Variants in CERK observed in about 807,000 individuals in gnomAD.
CERK encodes acylsphingosine kinase.
Under a neutral mutation model 63.4 loss-of-function variants are expected in CERK, and 39 were observed. That is an observed-to-expected ratio of 0.61 (90% CI 0.48 to 0.80). The LOEUF is 0.80. Ranked by LOEUF, CERK falls within the 30% of genes least tolerant of loss-of-function variation. CERK has a pLI of 0.00. For synonymous variants in CERK, 302 were observed against 280.0 expected (o/e 1.08, Z -0.78); for missense variants, 670 against 714.1 (o/e 0.94, Z 0.70).
chr22:46,711,592 T>C (rs1463444107), intron 4 of CERK, among the ~76,000 whole-genome samples: 1 of 152,216 alleles, frequency 6.6e-6, no homozygotes, highest in Non-Finnish European at 1.5e-5. Flanking sequence ...TGTGAGATTA[T>C]TTCTAAGACT....
intron 9 of CERK, among the ~76,000 whole-genome samples, chr22:46,694,972 C>A (rs912674885): frequency 2.0e-5 from 3 of 152,226 alleles, no homozygotes; most frequent in African/African-American, 7.2e-5. Context: ...GACCCTCCCC[C>A]AGAGTCCTCA....
intron 1 of CERK, 129 bp downstream of exon 1, chr22:46,737,878 T>G: frequency 5.4e-6 from 2 of 369,554 alleles, no homozygotes; most frequent in African/African-American, 2.2e-5. Context: ...CCCTGGCGCC[T>G]GCGCTCCCAG....
intron 2 of CERK, 35 bp downstream of exon 2, chr22:46,720,867 T>C (rs774063686): frequency 3.1e-6 from 4 of 1,288,424 alleles, no homozygotes; most frequent in Admixed American, 1.7e-5. Flanking sequence ...ATAGAATTAA[T>C]GAAGAATGTG....
chr22:46,687,186 C>A lies in CERK; in HGVS notation c.1562G>T (p.Arg521Leu). Residue 521 changes from arginine to leucine, a missense_variant, in exon 13 of 13, where the codon CGA (arginine) becomes CTA (leucine). Transcript: ENST00000216264. The part of the protein sequence containing the change: ...IEVRVHCQLV[R>L]LFARGIEENP... ...CTCTTCAATTCCTCGTGCAAAGAGT[C>A]GAACCAGCTGGCAGTGGACTCTGCA... is the stretch of plus-strand genomic sequence containing the variant. 1 of 1,614,110 alleles carries A rather than the reference C, an allele frequency of 6.2e-7. No individual in the cohort carries two copies. The highest frequency in any genetic ancestry group is 8.5e-7 in the Non-Finnish European group (1 of 1,180,032).
chr22:46,712,506 C>T (rs768722104), intron 3 of CERK, among the ~76,000 whole-genome samples: 1 of 152,216 alleles, frequency 6.6e-6, no homozygotes, highest in Non-Finnish European at 1.5e-5. Flanking sequence ...AAAGGCTATA[C>T]ACACATGTCG....
At chr22:46,699,251 ACAT>A (rs1209487738) in intron 8 of CERK, 59 bp downstream of exon 8, 2 of 1,543,618 alleles carry the variant, frequency 1.3e-6, no homozygotes, top group East Asian at 4.5e-5. Context: ...CAGTCAGGTA[ACAT>A]CTGTGAAGGC....
chr22:46,715,343 A>G (rs2082861323), intron 3 of CERK, among the ~76,000 whole-genome samples: 1 of 152,246 alleles, frequency 6.6e-6, no homozygotes. Context: ...TTTGACAAAA[A>G]TCTAAAATAA....
chr22:46,701,532 A>G (rs956897589), intron 7 of CERK, 104 bp downstream of exon 7: 17 of 947,556 alleles, frequency 1.8e-5, no homozygotes, highest in African/African-American at 8.2e-5. Context: ...CGGCCAGGAC[A>G]GGACGGCAAC....
chr22:46,705,786 A>C (rs933487326), intron 6 of CERK, among the ~76,000 whole-genome samples: 1 of 151,844 alleles, frequency 6.6e-6, no homozygotes, highest in African/African-American at 2.4e-5. Flanking sequence ...TAATCCCAGC[A>C]CTTTGGGAGG....
chr22:46,738,082 C>G lies in CERK; in HGVS notation c.67G>C (p.Val23Leu). The G allele has an allele frequency of 1.6e-6, 2 of 1,279,434 alleles. No homozygotes were observed. Among genetic ancestry groups the G allele is most frequent in the East Asian group, 7.5e-5 (2 of 26,684 alleles). 79.3% of individuals were successfully genotyped at this position (1,279,434 alleles called of 1,614,324 possible). ...VLWVKQQRCA[V>L]SLEPARALLR... Reference sequence around the variant, plus strand: ...AGAGCCCGCGCGGGCTCCAGGCTCACGGCGCAGCGCTGCTGCTTCACCCAC... The same window carrying G: ...AGAGCCCGCGCGGGCTCCAGGCTCAGGGCGCAGCGCTGCTGCTTCACCCAC... Residue 23 changes from valine to leucine, a missense_variant, in exon 1 of 13, where the codon GTG (valine) becomes CTG (leucine). Physicochemically the swap from Val to Leu is conservative, Grantham distance 32. Coordinates refer to ENST00000216264, the MANE Select transcript of CERK (RefSeq NM_022766.6).
chr22:46,702,236 T>C (rs1197728850), intron 6 of CERK, among the ~76,000 whole-genome samples: 1 of 101,022 alleles, frequency 9.9e-6, no homozygotes, highest in Non-Finnish European at 2.0e-5. Flanking sequence ...TGTGTGTGTG[T>C]GTGTGTGTGT....
At chr22:46,696,138 G>A (rs2082755068) in intron 8 of CERK, among the ~76,000 whole-genome samples, 1 of 152,216 alleles carries the variant, frequency 6.6e-6, no homozygotes, top group Non-Finnish European at 1.5e-5. Flanking sequence ...CCACAGCCAA[G>A]TGTGCACCGC....
chr22:46,701,789 C>T lies in CERK; in HGVS notation c.716-79G>A, dbSNP rs1214803756. 1.4e-5 allele frequency: 14 copies of T among 1,020,928 alleles called. No homozygotes were observed. The East Asian group carries it at 3.4e-4, about 25-fold the overall frequency. The allele number at this position is 1,020,928 out of a possible 1,614,324, so 63.2% of individuals were successfully genotyped here. A position where few individuals can be genotyped will look rare whatever the true frequency, so the allele number is the denominator to read the frequency against. ...CGCCTCCCAATTCAGTGAGTGGTAC[C>T]TCATTCCTTTCCTTCCATGGCCCTA... On this transcript the variant is annotated intron_variant, in intron 6 of 12. Coordinates refer to ENST00000216264, the MANE Select transcript of CERK (RefSeq NM_022766.6).
intron 12 of CERK, among the ~76,000 whole-genome samples, chr22:46,688,053 C>T (rs910859873): frequency 2.0e-5 from 3 of 152,012 alleles, no homozygotes; most frequent in Non-Finnish European, 2.9e-5. Context: ...AAAAATTAGC[C>T]AGGTGTGGTG....
chr22:46,716,310 C>A (rs1321722207), intron 3 of CERK, among the ~76,000 whole-genome samples: 1 of 151,714 alleles, frequency 6.6e-6, no homozygotes, highest in African/African-American at 2.4e-5. Context: ...CCTGCCTCAG[C>A]CTCTCGAGTA....
intron 8 of CERK, among the ~76,000 whole-genome samples, chr22:46,696,466 C>A (rs1398765981): frequency 6.6e-6 from 1 of 152,174 alleles, no homozygotes; most frequent in Non-Finnish European, 1.5e-5. Context: ...GTGCAGGGGG[C>A]AGGGGGGCAG....
intron 5 of CERK, among the ~76,000 whole-genome samples, chr22:46,708,239 G>A (rs2082823578): frequency 1.3e-5 from 2 of 152,198 alleles, no homozygotes; most frequent in Non-Finnish European, 2.9e-5. Flanking sequence ...AATTTGGGTG[G>A]CTAGGCAGAG....
intron 1 of CERK, among the ~76,000 whole-genome samples, chr22:46,723,638 A>G (rs2082903492): frequency 6.6e-6 from 1 of 152,060 alleles, no homozygotes; most frequent in African/African-American, 2.4e-5. Flanking sequence ...AAAAAAGAAG[A>G]AGAAGAATAT....
At chr22:46,706,845 A>G (rs1309489459) in intron 6 of CERK, among the ~76,000 whole-genome samples, 1 of 152,134 alleles carries the variant, frequency 6.6e-6, no homozygotes, top group Non-Finnish European at 1.5e-5. Context: ...TTTGCCTCAC[A>G]CCATTATTCA....
Sources: gnomAD v4.1 joint callset for allele counts (sites outside exome capture counted in the v4.1 genomes callset) on GRCh38, gnomAD v4.1.1 for gene constraint, MANE v1.5 for transcripts, NCBI Gene and HGNC (gene_info 2026-07-23, HGNC 2026-07-21) for gene names.